The following DCC variants were observed in gnomAD, a reference collection of about 807,000 sequenced individuals.
The protein encoded by DCC is DCC netrin 1 receptor.
DCC carries 58 observed loss-of-function variants against 172.5 expected under a neutral mutation model. That is an observed-to-expected ratio of 0.34 (90% CI 0.27 to 0.42). The LOEUF (loss-of-function observed/expected upper bound fraction) is 0.42, where lower values mean the gene tolerates loss of function less well. Ranked by LOEUF, DCC falls within the 10% of genes least tolerant of loss-of-function variation. The pLI is 1.00. For synonymous variants in DCC, 709 were observed against 644.5 expected (o/e 1.10, Z -1.52); for missense variants, 1,740 against 1,791.0 (o/e 0.97, Z 0.51).
intron 2 of DCC, among the ~76,000 whole-genome samples, chr18:52,856,656 G>A (rs1401892455): frequency 2.8e-5 from 4 of 140,370 alleles, no homozygotes; most frequent in East Asian, 4.6e-4. Flanking sequence ...AAACAAAATG[G>A]CAATATATAT....
intron 5 of DCC, among the ~76,000 whole-genome samples, chr18:52,982,129 A>G (rs1002339862): frequency 6.6e-6 from 1 of 152,134 alleles, no homozygotes; most frequent in African/African-American, 2.4e-5. Context: ...TGAGCAGGGG[A>G]CCAAAATGAA....
At chr18:52,368,272 A>T (rs181493581) in intron 1 of DCC, among the ~76,000 whole-genome samples, 1 of 152,144 alleles carries the variant, frequency 6.6e-6, no homozygotes, top group African/African-American at 2.4e-5. Context: ...TCTTTTTTTC[A>T]TGAACATGTT....
chr18:53,290,495 C>T (rs911737878), intron 12 of DCC, among the ~76,000 whole-genome samples: 12 of 152,084 alleles, frequency 7.9e-5, no homozygotes, highest in Non-Finnish European at 1.2e-4. Context: ...ATTGTAATGT[C>T]CCATGTAATT....
intron 1 of DCC, among the ~76,000 whole-genome samples, chr18:52,652,267 C>A (rs1399502025): frequency 2.6e-5 from 4 of 152,160 alleles, no homozygotes; most frequent in Admixed American, 1.3e-4. Context: ...TGCCCATGGG[C>A]ACTTGGAGAC....
At chr18:52,541,168 A>G (rs556226644) in intron 1 of DCC, among the ~76,000 whole-genome samples, 1 of 152,280 alleles carries the variant, frequency 6.6e-6, no homozygotes, top group East Asian at 1.9e-4. Flanking sequence ...ACAAGTGGAT[A>G]AGTCAAGACG....
intron 1 of DCC, among the ~76,000 whole-genome samples, chr18:52,727,006 T>C (rs1348451196): frequency 6.6e-6 from 1 of 152,158 alleles, no homozygotes; most frequent in Non-Finnish European, 1.5e-5. Context: ...CTGGATGTTT[T>C]CTAAGAGTCT....
intron 5 of DCC, among the ~76,000 whole-genome samples, chr18:52,977,176 C>A (rs1485383952): frequency 6.6e-6 from 1 of 151,984 alleles, no homozygotes; most frequent in African/African-American, 2.4e-5. Flanking sequence ...TAACTAAGCT[C>A]AGTCATTTTT....
intron 8 of DCC, among the ~76,000 whole-genome samples, chr18:53,174,360 A>G (rs1306362654): frequency 9.9e-5 from 15 of 151,550 alleles, no homozygotes; most frequent in African/African-American, 3.7e-4. Context: ...AGAGACACAA[A>G]AAACCCTTCA....
At chr18:53,378,195 A>G (rs980834767) in intron 15 of DCC, among the ~76,000 whole-genome samples, 3 of 152,232 alleles carry the variant, frequency 2.0e-5, no homozygotes, top group Middle Eastern at 3.4e-3. Flanking sequence ...TCCTGGCCTC[A>G]GGTTATCCAC....
At chr18:52,589,512 C>T (rs1418388737) in intron 1 of DCC, among the ~76,000 whole-genome samples, 3 of 152,172 alleles carry the variant, frequency 2.0e-5, no homozygotes, top group Non-Finnish European at 2.9e-5. Flanking sequence ...GCTGTGTATG[C>T]ATAGTCCTCA....
chr18:53,003,766 T>C (rs986549935), intron 5 of DCC, among the ~76,000 whole-genome samples: 2 of 152,060 alleles, frequency 1.3e-5, no homozygotes, highest in African/African-American at 2.4e-5. Flanking sequence ...AACAAGTTTT[T>C]CATAATATCA....
rs1275834301 is a variant in DCC at position 53,163,757 on chromosome 18, C to G, written c.1418+6245C>G. 5.9e-5 allele frequency among the ~76,000 whole-genome samples: 9 copies of G among 152,192 alleles called. No individual in the cohort carries two copies. The South Asian group carries it at 8.3e-4, about 14-fold the overall frequency. On this transcript the variant is annotated intron_variant, in intron 8 of 28. Transcript: ENST00000442544. Reference sequence around the variant, plus strand: ...CCTCATAGATATCTAGCTATCCCCTCTTAGTACCTAAAAATCATTAGGAAT... The same window carrying G: ...CCTCATAGATATCTAGCTATCCCCTGTTAGTACCTAAAAATCATTAGGAAT...
chr18:52,613,501 C>T (rs773516321), intron 1 of DCC, among the ~76,000 whole-genome samples: 12 of 152,130 alleles, frequency 7.9e-5, no homozygotes, highest in South Asian at 4.1e-4. Flanking sequence ...GTGATCCGCC[C>T]GCCTCTGCCT....
Position 52,340,666 on chromosome 18 carries a change from G to A in DCC, c.-122G>A, listed in dbSNP as rs1369797345. On this transcript the variant is annotated 5_prime_UTR_variant, in exon 1 of 29. Coordinates refer to ENST00000442544, the MANE Select transcript of DCC (RefSeq NM_005215.4). ...GAAAGAGGTGGAGGAAGAGGACGAG[G>A]AGGAGGAGGAAGCCGAAGGGGCTCG... The A allele has an allele frequency of 1.0e-5, 8 of 789,796 alleles. No homozygotes were observed. The highest frequency in any genetic ancestry group is 1.6e-5 in the Non-Finnish European group (7 of 432,892). 48.9% of individuals were successfully genotyped at this position (789,796 alleles called of 1,614,324 possible). A position where few individuals can be genotyped will look rare whatever the true frequency, so the allele number is the denominator to read the frequency against.
chr18:53,405,507 C>A (rs958777257), intron 19 of DCC, among the ~76,000 whole-genome samples: 1 of 152,148 alleles, frequency 6.6e-6, no homozygotes, highest in Non-Finnish European at 1.5e-5. Flanking sequence ...TGACACGAAT[C>A]GGCTATTATT....
chr18:52,848,891 C>T (rs552805222), intron 2 of DCC, among the ~76,000 whole-genome samples: 1 of 152,174 alleles, frequency 6.6e-6, no homozygotes, highest in South Asian at 2.1e-4. Context: ...CATTCAGCAA[C>T]TTCTTTATGA....
chr18:52,471,122 G>A (rs967682517), intron 1 of DCC, among the ~76,000 whole-genome samples: 29 of 152,068 alleles, frequency 1.9e-4, no homozygotes, highest in African/African-American at 5.1e-4. Context: ...AGGCTGAGGC[G>A]GAAGGATCAC....
At chr18:53,398,680 T>C (rs1909109826) in intron 18 of DCC, among the ~76,000 whole-genome samples, 1 of 152,134 alleles carries the variant, frequency 6.6e-6, no homozygotes, top group Non-Finnish European at 1.5e-5. Flanking sequence ...TTTCCTCTCA[T>C]AAACATAAAA....
intron 1 of DCC, among the ~76,000 whole-genome samples, chr18:52,719,738 A>G (rs2036443912): frequency 6.6e-6 from 1 of 152,222 alleles, no homozygotes; most frequent in African/African-American, 2.4e-5. Context: ...AGAGGAAATC[A>G]TATTTAAGCT....
Sources: gnomAD v4.1 joint callset for allele counts (sites outside exome capture counted in the v4.1 genomes callset) on GRCh38, gnomAD v4.1.1 for gene constraint, MANE v1.5 for transcripts, NCBI Gene and HGNC (gene_info 2026-07-23, HGNC 2026-07-21) for gene names.